TSPAN9: variants seen among roughly 807,000 people sequenced by gnomAD.
TSPAN9 encodes tetraspanin 9.
Under a neutral mutation model 31.0 loss-of-function variants are expected in TSPAN9, and 16 were observed. That is an observed-to-expected ratio of 0.52 (90% CI 0.35 to 0.78). The LOEUF (loss-of-function observed/expected upper bound fraction) is 0.78, where lower values mean the gene tolerates loss of function less well. Among genes scored for constraint, TSPAN9 ranks in the 30% least tolerant of loss-of-function variants. TSPAN9 has a pLI of 0.01. For synonymous variants in TSPAN9, 145 were observed against 121.6 expected (o/e 1.19, Z -1.27); for missense variants, 272 against 312.5 (o/e 0.87, Z 0.98).
At chr12:3,108,554 C>A (rs1327021396) in intron 2 of TSPAN9, among the ~76,000 whole-genome samples, 1 of 152,222 alleles carries the variant, frequency 6.6e-6, no homozygotes, top group Non-Finnish European at 1.5e-5. Flanking sequence ...GCTCGACTTT[C>A]ATCCACTGTG....
intron 3 of TSPAN9, among the ~76,000 whole-genome samples, chr12:3,270,265 A>G (rs1862649092): frequency 6.6e-6 from 1 of 152,150 alleles, no homozygotes; most frequent in African/African-American, 2.4e-5. Context: ...GGGATGGGGT[A>G]TAGATGGAGG....
intron 3 of TSPAN9, among the ~76,000 whole-genome samples, chr12:3,232,034 G>A (rs950023941): frequency 2.0e-5 from 3 of 152,188 alleles, no homozygotes; most frequent in Non-Finnish European, 4.4e-5. Flanking sequence ...TTCACCACGG[G>A]CCTCTTCCAG....
At chr12:3,272,552 G>A (rs769776574) in intron 3 of TSPAN9, among the ~76,000 whole-genome samples, 13 of 151,698 alleles carry the variant, frequency 8.6e-5, no homozygotes, top group African/African-American at 2.7e-4. Flanking sequence ...CACTGCGCCC[G>A]GCCGTGTGTG....
intron 2 of TSPAN9, among the ~76,000 whole-genome samples, chr12:3,091,345 G>A (rs139450255): frequency 6.6e-6 from 1 of 152,300 alleles, no homozygotes; most frequent in African/African-American, 2.4e-5. Context: ...GTGACTTCCC[G>A]CAAGGTGTTC....
At position 3,143,356 on chromosome 12, in the gene TSPAN9, T is replaced by C. The variant is rs1451845031; in HGVS notation, c.-17-57821T>C. ...AGGCACTTTGAAACTGTCCTGGTTTTTTCTCAAACCTTTGCTCACTAATTT... is the reference window on the plus strand; with the variant it reads ...AGGCACTTTGAAACTGTCCTGGTTTCTTCTCAAACCTTTGCTCACTAATTT... On this transcript the variant is annotated intron_variant, in intron 2 of 8. Coordinates refer to ENST00000011898, the MANE Select transcript of TSPAN9 (RefSeq NM_006675.5). The surrounding 1 kb of genome is among the most constrained non-coding windows in gnomAD (Gnocchi z 4.2). 6.6e-6 allele frequency among the ~76,000 whole-genome samples: 1 copy of C among 151,034 alleles called. No individual in the cohort carries two copies. The highest frequency in any genetic ancestry group is 2.1e-4 in the South Asian group (1 of 4,812).
chr12:3,217,279 A>G (rs1466865105), intron 3 of TSPAN9, among the ~76,000 whole-genome samples: 2 of 152,112 alleles, frequency 1.3e-5, no homozygotes, highest in African/African-American at 2.4e-5. Context: ...CCTGATGGCA[A>G]TGTCCCCTGA....
chr12:3,150,336 G>A (rs2098339171), intron 2 of TSPAN9, among the ~76,000 whole-genome samples: 1 of 152,180 alleles, frequency 6.6e-6, no homozygotes, highest in African/African-American at 2.4e-5. Flanking sequence ...CGCACAGTGA[G>A]TTAGTATTTT....
intron 3 of TSPAN9, among the ~76,000 whole-genome samples, chr12:3,204,393 G>A (rs2098373794): frequency 6.6e-6 from 1 of 152,204 alleles, no homozygotes; most frequent in South Asian, 2.1e-4. Flanking sequence ...TAGGGTACTA[G>A]TATTGGTGAG....
chr12:3,106,309 C>T (rs61422677), intron 2 of TSPAN9, among the ~76,000 whole-genome samples: 5,883 of 152,328 alleles, frequency 0.039, 394 homozygotes, highest in African/African-American at 0.13. Flanking sequence ...CATCCTGTGC[C>T]TCAGTTTACC....
At chr12:3,263,369 G>A (rs939177640) in intron 3 of TSPAN9, among the ~76,000 whole-genome samples, 5 of 152,176 alleles carry the variant, frequency 3.3e-5, no homozygotes, top group Non-Finnish European at 5.9e-5. Flanking sequence ...TCATGACATC[G>A]CTTCGTCTAA....
At chr12:3,162,685 A>G (rs1447814910) in intron 2 of TSPAN9, among the ~76,000 whole-genome samples, 6 of 152,210 alleles carry the variant, frequency 3.9e-5, no homozygotes, top group Admixed American at 1.3e-4. Flanking sequence ...TTGGGCCAGA[A>G]GAAGACCATT....
At chr12:3,273,240 G>C (rs1360334923) in intron 3 of TSPAN9, 1 of 152,264 alleles carries the variant, frequency 6.6e-6, no homozygotes, top group Admixed American at 6.5e-5. Context: ...GGAGGCCATT[G>C]GCAAATGTAA....
chr12:3,171,121 G>A (rs1457449444), intron 2 of TSPAN9, among the ~76,000 whole-genome samples: 3 of 152,026 alleles, frequency 2.0e-5, no homozygotes, highest in Non-Finnish European at 2.9e-5. Flanking sequence ...GCCCTGTCCC[G>A]ACGCGCGCCG....
intron 2 of TSPAN9, among the ~76,000 whole-genome samples, chr12:3,120,159 TA>T: frequency 6.6e-6 from 1 of 152,224 alleles, no homozygotes; most frequent in Non-Finnish European, 1.5e-5. Context: ...TGGAAAGCTT[TA>T]ATGTATGCTT....
chr12:3,244,212 C>T (rs1157165087), intron 3 of TSPAN9, among the ~76,000 whole-genome samples: 1 of 152,214 alleles, frequency 6.6e-6, no homozygotes, highest in Non-Finnish European at 1.5e-5. Flanking sequence ...GACCCAGACT[C>T]TTGTCCCCTC....
intron 2 of TSPAN9, among the ~76,000 whole-genome samples, chr12:3,180,414 GTGTAGTCAGC>G (rs2098358053): frequency 6.6e-6 from 1 of 151,992 alleles, no homozygotes; most frequent in South Asian, 2.1e-4. Context: ...GAGTTGAAGA[GTGTAGTCAGC>G]TGTGATTGTA....
At chr12:3,123,660 G>A (rs2098326143) in intron 2 of TSPAN9, among the ~76,000 whole-genome samples, 1 of 151,242 alleles carries the variant, frequency 6.6e-6, no homozygotes, top group Non-Finnish European at 1.5e-5. Flanking sequence ...TACTTATTGA[G>A]TATTTTCTAA....
chr12:3,109,535 T>C lies in TSPAN9; in HGVS notation c.-18+25816T>C, dbSNP rs375724845. ...AGTTAGTGCCAGGCATGGTGGCTCA[T>C]GCCTGTAATCCCAGCACTTTGGGAG... On this transcript the variant is annotated intron_variant, in intron 2 of 8. Coordinates refer to ENST00000011898, the MANE Select transcript of TSPAN9 (RefSeq NM_006675.5). 4.6e-5 allele frequency among the ~76,000 whole-genome samples: 7 copies of C among 151,764 alleles called. No individual in the cohort carries two copies. The East Asian group carries it at 9.8e-4, about 21-fold the overall frequency.
chr12:3,083,256 A>G (rs1474601644), intron 1 of TSPAN9, among the ~76,000 whole-genome samples: 1 of 152,208 alleles, frequency 6.6e-6, no homozygotes, highest in African/African-American at 2.4e-5. Context: ...GAGTTTACAC[A>G]CTTTTACATA....
Sources: allele counts gnomAD v4.1 joint callset (sites outside exome capture counted in the v4.1 genomes callset), GRCh38; gene constraint gnomAD v4.1.1; non-coding constraint Gnocchi (gnomAD v3.1); transcripts MANE v1.5; gene names NCBI Gene and HGNC (gene_info 2026-07-23, HGNC 2026-07-21).